TRNT1: variants seen among roughly 807,000 people sequenced by gnomAD.
TRNT1 encodes the protein tRNA nucleotidyl transferase 1.
A neutral mutation model predicts 45.6 loss-of-function variants in TRNT1; 44 were observed. The ratio of observed to expected loss-of-function variants is 0.97; its 90% CI spans 0.76 to 1.24. TRNT1 has a LOEUF of 1.24. Among genes scored for constraint, TRNT1 ranks in the 50% most tolerant of loss-of-function variants. The pLI, the probability that TRNT1 is intolerant of heterozygous loss-of-function variation, is 0.00. For missense variants in TRNT1, 633 were observed against 504.4 expected (o/e 1.25, Z -2.44); for synonymous variants, 201 against 171.4 (o/e 1.17, Z -1.35).
At chr3:3,145,600 CACTA>C (rs1383896629) in intron 5 of TRNT1, 1 of 151,620 alleles carries the variant, frequency 6.6e-6, no homozygotes, top group African/African-American at 2.4e-5. Context: ...AAATGTCACA[CACTA>C]ACCTTTTTAA....
At chr3:3,146,658 C>G in intron 6 of TRNT1, 35 bp downstream of exon 6, 1 of 1,482,738 alleles carries the variant, frequency 6.7e-7, no homozygotes, top group South Asian at 1.4e-5. Context: ...GAATTTTTGG[C>G]AGTGAAATAT....
chr3:3,129,416 A>G (rs949770094), intron 2 of TRNT1: 5 of 469,166 alleles, frequency 1.1e-5, no homozygotes, highest in Non-Finnish European at 1.9e-5. Context: ...CACGGTGCCC[A>G]ATGTGCACGT....
At chr3:3,135,828 T>C (rs1705294663) in intron 2 of TRNT1, among the ~76,000 whole-genome samples, 1 of 152,178 alleles carries the variant, frequency 6.6e-6, no homozygotes, top group African/African-American at 2.4e-5. Context: ...GTTGGGTTGT[T>C]ACTCCTGGCA....
chr3:3,150,840 A>ATAAC (rs4183), downstream of TRNT1: 980,832 of 1,601,088 alleles, frequency 0.61, 313,500 homozygotes, highest in Middle Eastern at 0.69. Flanking sequence ...AATTTGTTAG[A>ATAAC]TAACTTTATC....
downstream of TRNT1, chr3:3,153,237 A>G (rs971800155): frequency 3.6e-6 from 2 of 553,438 alleles, no homozygotes; most frequent in Non-Finnish European, 6.6e-6. Flanking sequence ...AATCCCTGAC[A>G]TGCATTGTTG....
At chr3:3,127,267 G>A (rs974085546) in intron 1 of TRNT1, 1 of 152,298 alleles carries the variant, frequency 6.6e-6, no homozygotes, top group Non-Finnish European at 1.5e-5. Flanking sequence ...ACTGGGCCTT[G>A]TCGCCAGCAC....
At chr3:3,132,705 T>TA (rs1370164275) in intron 2 of TRNT1, among the ~76,000 whole-genome samples, 6 of 39,672 alleles carry the variant, frequency 1.5e-4, no homozygotes, top group East Asian at 6.1e-4. Flanking sequence ...ATTAAAAAAA[T>TA]AAAAAAAAAC....
At chr3:3,152,373 G>C, downstream of TRNT1, 1 of 1,381,634 alleles carries the variant, frequency 7.2e-7, no homozygotes, top group Admixed American at 2.1e-5. Flanking sequence ...AAAGATTGTG[G>C]CAACTCTGCT....
chr3:3,137,856 G>A (rs1705424158), intron 3 of TRNT1, among the ~76,000 whole-genome samples: 1 of 152,138 alleles, frequency 6.6e-6, no homozygotes, highest in Non-Finnish European at 1.5e-5. Flanking sequence ...TCACGTTTAT[G>A]ACTCTGTATT....
At chr3:3,150,614 A>G (rs1021379485), downstream of TRNT1, 4 of 409,856 alleles carry the variant, frequency 9.8e-6, no homozygotes, top group Non-Finnish European at 1.8e-5. Context: ...CAGATTCCAC[A>G]GGATAATGGC....
downstream of TRNT1, chr3:3,149,129 G>A (rs1251326997): frequency 1.3e-5 from 2 of 152,018 alleles, no homozygotes; most frequent in Non-Finnish European, 2.9e-5. Context: ...TGAGCAAATA[G>A]TAATTTTGGA....
intron 2 of TRNT1, among the ~76,000 whole-genome samples, chr3:3,133,828 A>G (rs1575044245): frequency 6.6e-6 from 1 of 152,066 alleles, no homozygotes; most frequent in Non-Finnish European, 1.5e-5. Flanking sequence ...TAATGCTCAC[A>G]CCATGTCTTC....
intron 3 of TRNT1, among the ~76,000 whole-genome samples, chr3:3,139,916 A>T (rs1259753368): frequency 6.6e-6 from 1 of 151,972 alleles, no homozygotes; most frequent in Non-Finnish European, 1.5e-5. Flanking sequence ...TTTGGTAGAG[A>T]TGGGGTTTTA....
intron 3 of TRNT1, among the ~76,000 whole-genome samples, chr3:3,139,076 T>C (rs1705490828): frequency 6.6e-6 from 1 of 152,214 alleles, no homozygotes; most frequent in African/African-American, 2.4e-5. Context: ...GAGGGTCATG[T>C]TAATTTTCAC....
intron 4 of TRNT1, among the ~76,000 whole-genome samples, chr3:3,143,028 G>A (rs334757): frequency 0.92 from 140,138 of 152,268 alleles, 65,606 homozygotes; most frequent in East Asian, 1. Flanking sequence ...GGGATAATCA[G>A]AGAACATTCA....
chr3:3,146,736 G>A, intron 6 of TRNT1, 113 bp downstream of exon 6: 1 of 1,037,378 alleles, frequency 9.6e-7, no homozygotes, highest in African/African-American at 1.6e-5. Context: ...GAGAAATGGA[G>A]TATTTTAAAA....
At position 3,148,991 on chromosome 3, in the gene TRNT1, C is replaced by G. The variant is rs919489730; in HGVS notation, c.*837C>G. The G allele has an allele frequency of 3.0e-5, 2 of 67,760 alleles. No homozygotes were observed. The highest frequency in any genetic ancestry group is 7.7e-5 in the Non-Finnish European group (2 of 25,940). The allele number at this position is 67,760 out of a possible 1,614,324, so 4.2% of individuals were successfully genotyped here. On this transcript the variant is annotated 3_prime_UTR_variant, in exon 8 of 8. Transcript: ENST00000251607. Reference sequence around the variant, plus strand: ...TCTCTAAAGATTTGAGTCCTAAATGCTTTCATCAGGTAAATAAAATGTATA... The same window carrying G: ...TCTCTAAAGATTTGAGTCCTAAATGGTTTCATCAGGTAAATAAAATGTATA...
chr3:3,128,472 G>C (rs932921622), intron 1 of TRNT1, among the ~76,000 whole-genome samples: 2 of 151,948 alleles, frequency 1.3e-5, no homozygotes, highest in African/African-American at 4.8e-5. Context: ...GGTGGTGTGC[G>C]CCTGTAATCC....
downstream of TRNT1, chr3:3,150,827 A>T (rs1199046620): frequency 1.9e-6 from 3 of 1,562,246 alleles, no homozygotes; most frequent in Non-Finnish European, 2.6e-6. Context: ...TTAGAATATA[A>T]CCAATTTGTT....
Sources: allele counts gnomAD v4.1 joint callset (sites outside exome capture counted in the v4.1 genomes callset), GRCh38; gene constraint gnomAD v4.1.1; transcripts MANE v1.5; gene names NCBI Gene and HGNC (gene_info 2026-07-23, HGNC 2026-07-21).